Variants in CPNE2 observed in about 807,000 individuals in gnomAD.
CPNE2 encodes the protein copine-2.
A neutral mutation model predicts 69.7 loss-of-function variants in CPNE2; 42 were observed. That is an observed-to-expected ratio of 0.60 (90% CI 0.47 to 0.78). CPNE2 has a LOEUF of 0.78. Ranked by LOEUF, CPNE2 falls within the 30% of genes least tolerant of loss-of-function variation. CPNE2 has a pLI of 0.00. For missense variants in CPNE2, 587 were observed against 732.0 expected, an observed-to-expected ratio of 0.80 and a Z score of 2.29; for synonymous variants, 294 against 289.8, an observed-to-expected ratio of 1.01 and a Z score of -0.15.
chr16:57,111,279 C>T (rs2069680247), intron 2 of CPNE2, among the ~76,000 whole-genome samples: 1 of 151,404 alleles, frequency 6.6e-6, no homozygotes, highest in Admixed American at 6.6e-5. Context: ...CAGGCTCAAG[C>T]AATTCTCCTG....
chr16:57,105,356 C>T (rs2069641457), intron 1 of CPNE2, among the ~76,000 whole-genome samples: 1 of 152,124 alleles, frequency 6.6e-6, no homozygotes, highest in African/African-American at 2.4e-5. Flanking sequence ...ATGTCCAAGC[C>T]TGTCCTGCCT....
At chr16:57,124,349 T>A (rs1567669954) in intron 10 of CPNE2, 1 of 455,692 alleles carries the variant, frequency 2.2e-6, no homozygotes, top group Non-Finnish European at 4.4e-6. Context: ...CTCAAAGTGC[T>A]AGGATTACAG....
intron 2 of CPNE2, among the ~76,000 whole-genome samples, chr16:57,112,643 A>G (rs2069688931): frequency 6.6e-6 from 1 of 152,080 alleles, no homozygotes; most frequent in Non-Finnish European, 1.5e-5. Context: ...CAGTGCCACC[A>G]CTGACCCACA....
At position 57,146,073 on chromosome 16, in the gene CPNE2, C is replaced by T. The variant is rs1254053328; in HGVS notation, c.1303-12C>T. 1 of 1,600,862 alleles carries T rather than the reference C, an allele frequency of 6.2e-7. No individual in the cohort carries two copies. The highest frequency in any genetic ancestry group is 1.7e-5 in the Admixed American group (1 of 58,538). On this transcript the variant is annotated splice_polypyrimidine_tract_variant and intron_variant, in intron 14 of 15. Transcript: ENST00000290776. This position sits in a 1 kb window ranked among gnomAD's most constrained non-coding sequence, Gnocchi z 4.4. ...GACCTTGCTGAGTGCCCCGTTGGCCCCCTCCCTGCAGCAGTACTTCATCCT... is the reference window on the plus strand; with the variant it reads ...GACCTTGCTGAGTGCCCCGTTGGCCTCCTCCCTGCAGCAGTACTTCATCCT...
At chr16:57,111,202 G>A (rs1290953227) in intron 2 of CPNE2, among the ~76,000 whole-genome samples, 4 of 145,010 alleles carry the variant, frequency 2.8e-5, no homozygotes, top group East Asian at 2.0e-4. Context: ...TTTTTGAGAC[G>A]GAATCTCTCT....
intron 1 of CPNE2, among the ~76,000 whole-genome samples, chr16:57,101,026 A>C (rs1422635986): frequency 1.3e-5 from 2 of 152,222 alleles, no homozygotes; most frequent in African/African-American, 4.8e-5. Flanking sequence ...TTAAATCAGT[A>C]GACTTTTGAG....
chr16:57,126,673 G>T (rs1401543507), intron 11 of CPNE2, among the ~76,000 whole-genome samples: 5 of 152,224 alleles, frequency 3.3e-5, no homozygotes, highest in Admixed American at 2.6e-4. Flanking sequence ...GAAGAAGCAG[G>T]TGCCAGAGAT....
intron 14 of CPNE2, among the ~76,000 whole-genome samples, chr16:57,145,224 A>G (rs1327712398): frequency 2.0e-5 from 3 of 152,238 alleles, no homozygotes; most frequent in Non-Finnish European, 4.4e-5. Context: ...GCTGGAGACT[A>G]TTGTCTCCTC....
chr16:57,131,950 C>T (rs2069841574), intron 12 of CPNE2, among the ~76,000 whole-genome samples: 1 of 152,220 alleles, frequency 6.6e-6, no homozygotes, highest in Non-Finnish European at 1.5e-5. Context: ...CTGCCCAGAG[C>T]CCTGCCCTCA....
intron 7 of CPNE2, 40 bp from the exon 8 acceptor site, chr16:57,121,053 G>A: frequency 1.3e-6 from 2 of 1,518,588 alleles, no homozygotes; most frequent in Middle Eastern, 1.7e-4. Flanking sequence ...AGCACCTCTT[G>A]GGGGACAGCT....
chr16:57,094,057 G>A (rs757219367), intron 1 of CPNE2: 16 of 456,738 alleles, frequency 3.5e-5, no homozygotes, highest in Middle Eastern at 6.5e-4. Context: ...GCATGAAGGC[G>A]TGGTTTTATG....
chr16:57,093,483 C>T (rs983462551), intron 1 of CPNE2, among the ~76,000 whole-genome samples: 79 of 152,254 alleles, frequency 5.2e-4, no homozygotes, highest in Non-Finnish European at 2.8e-4. Context: ...AGGGGTCTTA[C>T]ACCCTCTTCC....
rs1386190676 is a variant in CPNE2 at position 57,146,115 on chromosome 16, G to A, written c.1333G>A (p.Gly445Arg). 1.4e-5 allele frequency: 23 copies of A among 1,601,846 alleles called. No homozygotes were observed. The highest frequency in any genetic ancestry group is 4.0e-5 in the African/African-American group (3 of 74,700). Residue 445 changes from glycine to arginine, a missense_variant, in exon 15 of 16, where the codon GGG becomes AGG. Gly to Arg is a moderately radical substitution (Grantham distance 125). This residue lies in a region of CPNE2 where 185 missense variants were observed against 252.3 expected (regional missense o/e 0.73). Coordinates refer to ENST00000290776, the MANE Select transcript of CPNE2 (RefSeq NM_152727.6). This position sits in a 1 kb window ranked among gnomAD's most constrained non-coding sequence, Gnocchi z 4.4. ...CTTCATCCTCCTCATCATCACGGAC[G>A]GGGTCATCAGTGACATGGAGGAGAC... ...QYFILLIITD[G>R]VISDMEETRH...
intron 1 of CPNE2, among the ~76,000 whole-genome samples, chr16:57,107,422 G>A (rs2069654732): frequency 6.6e-6 from 1 of 152,202 alleles, no homozygotes; most frequent in Non-Finnish European, 1.5e-5. Context: ...AGGGGAAGCT[G>A]GGAGGTCTCC....
At chr16:57,121,829 A>G (rs2069764766) in intron 9 of CPNE2, 69 bp downstream of exon 9, 2 of 1,445,826 alleles carry the variant, frequency 1.4e-6, no homozygotes, top group Non-Finnish European at 1.9e-6. Flanking sequence ...CAGACAGAGC[A>G]CTGGATCTGG....
intron 10 of CPNE2, chr16:57,125,131 T>C: frequency 2.9e-6 from 1 of 347,478 alleles, no homozygotes; most frequent in Non-Finnish European, 5.8e-6. Flanking sequence ...GGGCAGGGGT[T>C]GTTCTTGCCT....
At chr16:57,094,970 T>A (rs1344147051) in intron 1 of CPNE2, among the ~76,000 whole-genome samples, 1 of 152,138 alleles carries the variant, frequency 6.6e-6, no homozygotes, top group East Asian at 1.9e-4. Flanking sequence ...CCAGGCACGG[T>A]CCCGATCTGA....
At chr16:57,134,904 G>A (rs886758181) in intron 13 of CPNE2, 78 bp downstream of exon 13, 1 of 1,461,160 alleles carries the variant, frequency 6.8e-7, no homozygotes, top group Non-Finnish European at 9.5e-7. Context: ...GGAGGGCAGA[G>A]GACAGGTTTT....
intron 11 of CPNE2, 57 bp from the exon 12 acceptor site, chr16:57,127,792 G>T: frequency 1.3e-6 from 2 of 1,572,342 alleles, no homozygotes; most frequent in Non-Finnish European, 1.7e-6. Flanking sequence ...CCTGGGCAGA[G>T]GGTCGGGTGG....
Sources: gnomAD v4.1 joint callset for allele counts (sites outside exome capture counted in the v4.1 genomes callset) on GRCh38, gnomAD v4.1.1 for gene constraint, gnomAD v4.1.1 regional missense constraint, Gnocchi (gnomAD v3.1) non-coding constraint, MANE v1.5 for transcripts, NCBI Gene and HGNC (gene_info 2026-07-23, HGNC 2026-07-21) for gene names.